ZHX2: variants seen among roughly 807,000 people sequenced by gnomAD.
ZHX2 encodes zinc fingers and homeoboxes 2.
ZHX2 carries 6 observed loss-of-function variants against 21.9 expected under a neutral mutation model. The observed-to-expected ratio is 0.27, with a 90% CI of 0.15 to 0.54. ZHX2 has a LOEUF of 0.54. Ranked by LOEUF, ZHX2 falls within the 20% of genes least tolerant of loss-of-function variation. The pLI, the probability that ZHX2 is intolerant of heterozygous loss-of-function variation, is 0.95. For missense variants in ZHX2, 908 were observed against 1,090.7 expected, an observed-to-expected ratio of 0.83 and a Z score of 2.36; for synonymous variants, 434 against 437.1, an observed-to-expected ratio of 0.99 and a Z score of 0.09.
chr8:122,844,980 C>A (rs1215722230), intron 1 of ZHX2, among the ~76,000 whole-genome samples: 1 of 152,180 alleles, frequency 6.6e-6, no homozygotes, highest in Non-Finnish European at 1.5e-5. Context: ...CCTAATACCC[C>A]CTGCCCAACC....
chr8:122,835,179 G>A (rs1408396530), intron 1 of ZHX2, among the ~76,000 whole-genome samples: 2 of 152,224 alleles, frequency 1.3e-5, no homozygotes, highest in East Asian at 3.8e-4. Context: ...TTGTTAATTT[G>A]AGAGAGATCA....
intron 2 of ZHX2, among the ~76,000 whole-genome samples, chr8:122,910,410 CA>C (rs1829611734): frequency 6.6e-6 from 1 of 152,144 alleles, no homozygotes; most frequent in Non-Finnish European, 1.5e-5. Flanking sequence ...TTGTCAGCTG[CA>C]ACATCCTGCT....
rs534039640 is a variant in ZHX2, at chr8:122,805,163, G to C, written c.-283+23217G>C. On this transcript the variant is annotated intron_variant, in intron 1 of 3. Transcript: ENST00000314393. ...AGCAAAGGAAGCGCTGGGTGGGGGT[G>C]GGGGTGGGGCAGCAAGTGGGACCTG... Among the ~76,000 whole-genome samples, 13 of 152,322 alleles carry C rather than the reference G, an allele frequency of 8.5e-5. No homozygotes were observed. The South Asian group carries it at 2.5e-3, about 29-fold the overall frequency.
intron 1 of ZHX2, among the ~76,000 whole-genome samples, chr8:122,788,293 C>T (rs1024958188): frequency 2.6e-5 from 4 of 152,240 alleles, no homozygotes; most frequent in Admixed American, 6.5e-5. Context: ...CTTGATGGCT[C>T]ACGCCTGTAA....
In ZHX2 at chr8:122,782,322, C is replaced by A. The variant is rs1332299439; in HGVS notation, c.-283+376C>A. Among the ~76,000 whole-genome samples the A allele has an allele frequency of 6.6e-6, 1 of 152,170 alleles. No homozygotes were observed. Among genetic ancestry groups the A allele is most frequent in the Non-Finnish European group, 1.5e-5 (1 of 68,024 alleles). On this transcript the variant is annotated intron_variant, in intron 1 of 3. Transcript: ENST00000314393. This position sits in a 1 kb window ranked among gnomAD's most constrained non-coding sequence, Gnocchi z 5.3. ...AAGCCACAAAAAAATATGGCGTCCGCTTTCGACAGGGCGTTACGTAGACCC... is the reference window on the plus strand; with the variant it reads ...AAGCCACAAAAAAATATGGCGTCCGATTTCGACAGGGCGTTACGTAGACCC...
intron 2 of ZHX2, among the ~76,000 whole-genome samples, chr8:122,947,379 C>CCA (rs765184756): frequency 3.3e-5 from 5 of 152,186 alleles, no homozygotes; most frequent in Non-Finnish European, 7.3e-5. Context: ...TAGCCACCAG[C>CCA]CACAATTGCT....
chr8:122,787,088 GGTGTGTGTGTGTGT>G (rs35726514), intron 1 of ZHX2, among the ~76,000 whole-genome samples: 1 of 148,452 alleles, frequency 6.7e-6, no homozygotes, highest in Admixed American at 6.7e-5. Context: ...GATTGGCAGT[GGTGTGTGTGTGTGT>G]GTGTGTGTGT....
intron 1 of ZHX2, among the ~76,000 whole-genome samples, chr8:122,806,865 G>A (rs1336408419): frequency 1.3e-5 from 2 of 152,334 alleles, no homozygotes; most frequent in East Asian, 1.9e-4. Flanking sequence ...CAGATGGGAA[G>A]CCTGAGGCAC....
At chr8:122,832,837 A>G (rs1818408658) in intron 1 of ZHX2, among the ~76,000 whole-genome samples, 1 of 152,108 alleles carries the variant, frequency 6.6e-6, no homozygotes, top group African/African-American at 2.4e-5. Context: ...GTGCTTTCTT[A>G]GGGGAGACCT....
chr8:122,824,982 T>C (rs1312181909), intron 1 of ZHX2, among the ~76,000 whole-genome samples: 3 of 152,258 alleles, frequency 2.0e-5, no homozygotes, highest in Non-Finnish European at 4.4e-5. Context: ...CATTCCAACA[T>C]TGACTCTCCT....
intron 1 of ZHX2, among the ~76,000 whole-genome samples, chr8:122,841,968 G>T (rs1324435236): frequency 2.0e-5 from 3 of 152,124 alleles, no homozygotes; most frequent in Non-Finnish European, 4.4e-5. Context: ...CTCCCTTATG[G>T]TCAGCTCTGG....
At chr8:122,942,456 C>T (rs781061990) in intron 2 of ZHX2, among the ~76,000 whole-genome samples, 3 of 152,192 alleles carry the variant, frequency 2.0e-5, no homozygotes, top group Non-Finnish European at 4.4e-5. Flanking sequence ...TGCGATGAGA[C>T]GTGGCATCCC....
intron 1 of ZHX2, among the ~76,000 whole-genome samples, chr8:122,796,371 G>A (rs1817613745): frequency 6.6e-6 from 1 of 152,100 alleles, no homozygotes; most frequent in Non-Finnish European, 1.5e-5. Context: ...TCCTCTTGCA[G>A]TTTTGTCACC....
chr8:122,789,608 G>A lies in ZHX2; in HGVS notation c.-283+7662G>A, dbSNP rs149106159. On this transcript the variant is annotated intron_variant, in intron 1 of 3. Transcript: ENST00000314393. Reference sequence around the variant, plus strand: ...AGGAGGCCAGGAGGCCAGCACTGGCGGTGATGGGGTGTGCCTTTGCTTTTG... The same window carrying A: ...AGGAGGCCAGGAGGCCAGCACTGGCAGTGATGGGGTGTGCCTTTGCTTTTG... Among the ~76,000 whole-genome samples, 545 of 152,336 alleles carry A rather than the reference G, an allele frequency of 3.6e-3. 3 individuals are homozygous for A. The highest frequency in any genetic ancestry group is 0.012 in the African/African-American group (519 of 41,578).
intron 2 of ZHX2, among the ~76,000 whole-genome samples, chr8:122,893,900 T>G (rs1406328104): frequency 6.6e-6 from 1 of 152,266 alleles, no homozygotes; most frequent in African/African-American, 2.4e-5. Flanking sequence ...TTCTTATTTC[T>G]GTGTCCCTAT....
intron 2 of ZHX2, among the ~76,000 whole-genome samples, chr8:122,887,075 GTGTGT>G (rs1339903238): frequency 1.3e-5 from 2 of 151,700 alleles, no homozygotes; most frequent in Admixed American, 6.6e-5. Context: ...GTGTGTGTGT[GTGTGT>G]GTGTGTGTGT....
At chr8:122,934,651 T>TTCCTTC (rs1307060916) in intron 2 of ZHX2, among the ~76,000 whole-genome samples, 1 of 149,778 alleles carries the variant, frequency 6.7e-6, no homozygotes, top group Non-Finnish European at 1.5e-5. Flanking sequence ...TCCTTCCTTC[T>TTCCTTC]TTATTACCTT....
intron 1 of ZHX2, among the ~76,000 whole-genome samples, chr8:122,833,424 T>C (rs2130682247): frequency 6.6e-6 from 1 of 152,274 alleles, no homozygotes; most frequent in East Asian, 1.9e-4. Flanking sequence ...TGATAGGAAC[T>C]GGGTGGGCTC....
At chr8:122,858,188 C>T (rs1819075383) in intron 1 of ZHX2, among the ~76,000 whole-genome samples, 1 of 152,212 alleles carries the variant, frequency 6.6e-6, no homozygotes, top group Non-Finnish European at 1.5e-5. Flanking sequence ...GCTTCTCTGT[C>T]TCTCTCGTGT....
Sources: gnomAD v4.1 joint callset for allele counts (sites outside exome capture counted in the v4.1 genomes callset) on GRCh38, gnomAD v4.1.1 for gene constraint, Gnocchi (gnomAD v3.1) non-coding constraint, MANE v1.5 for transcripts, NCBI Gene and HGNC (gene_info 2026-07-23, HGNC 2026-07-21) for gene names.